The following DCAF6 variants were observed in gnomAD, a reference collection of about 807,000 sequenced individuals.
DCAF6 encodes DDB1- and CUL4-associated factor 6.
A neutral mutation model predicts 125.1 loss-of-function variants in DCAF6; 54 were observed. That is an observed-to-expected ratio of 0.43 (90% CI 0.35 to 0.54). The LOEUF (loss-of-function observed/expected upper bound fraction) is 0.54, where lower values mean the gene tolerates loss of function less well. Among genes scored for constraint, DCAF6 ranks in the 20% least tolerant of loss-of-function variants. The pLI is 0.01. For synonymous variants in DCAF6, 371 were observed against 390.4 expected (o/e 0.95, Z 0.58); for missense variants, 934 against 1,161.7 (o/e 0.80, Z 2.85).
At chr1:167,868,468 TG>T in the DCAF6 span, among the ~76,000 whole-genome samples, 1 of 152,188 alleles carries the variant, frequency 6.6e-6, no homozygotes, top group South Asian at 2.1e-4. Context: ...AACAGTTACA[TG>T]GTGGAGTTCA....
chr1:167,957,250 T>C (rs1214571231), intron 2 of DCAF6, among the ~76,000 whole-genome samples: 1 of 152,116 alleles, frequency 6.6e-6, no homozygotes, highest in Non-Finnish European at 1.5e-5. Context: ...AGAGTACCAA[T>C]TATCAGTCAC....
intron 2 of DCAF6, among the ~76,000 whole-genome samples, chr1:167,956,079 C>T (rs1218919642): frequency 6.6e-6 from 1 of 152,102 alleles, no homozygotes; most frequent in Non-Finnish European, 1.5e-5. Flanking sequence ...AACATTGTCT[C>T]TTTCTATTTA....
At chr1:168,040,887 TAA>T (rs59960933) in intron 13 of DCAF6, among the ~76,000 whole-genome samples, 4,108 of 115,106 alleles carry the variant, frequency 0.036, 202 homozygotes, top group African/African-American at 0.11. Flanking sequence ...ACATTCATTG[TAA>T]AAAAAAAAAA....
chr1:167,977,993 T>C (rs1336517776), intron 4 of DCAF6, among the ~76,000 whole-genome samples: 1 of 152,174 alleles, frequency 6.6e-6, no homozygotes, highest in Admixed American at 6.5e-5. Flanking sequence ...GAAATATGGC[T>C]TTTTGTGTCT....
chr1:167,972,235 T>G (rs1268129505), intron 3 of DCAF6, among the ~76,000 whole-genome samples: 1 of 152,238 alleles, frequency 6.6e-6, no homozygotes, highest in African/African-American at 2.4e-5. Context: ...TGCAGTATCA[T>G]ACATACCCAT....
chr1:167,941,512 G>A (rs1220278308), intron 1 of DCAF6, among the ~76,000 whole-genome samples: 3 of 152,108 alleles, frequency 2.0e-5, no homozygotes, highest in Admixed American at 6.5e-5. Context: ...TATACACAAC[G>A]AAAATAAAGG....
chr1:167,891,441 G>A, the DCAF6 span, among the ~76,000 whole-genome samples: 2 of 151,692 alleles, frequency 1.3e-5, no homozygotes, highest in African/African-American at 4.8e-5. Flanking sequence ...AAGATCACGA[G>A]GTCAGGAGAT....
At chr1:167,951,908 G>A (rs534755920) in intron 2 of DCAF6, 47 bp downstream of exon 2, 3 of 1,272,880 alleles carry the variant, frequency 2.4e-6, no homozygotes, top group Admixed American at 3.7e-5. Flanking sequence ...GATACTAAGT[G>A]TTTAAGTGTT....
the DCAF6 span, among the ~76,000 whole-genome samples, chr1:167,925,522 TTTTTTTTTTTGG>T: frequency 4.8e-4 from 68 of 142,298 alleles, no homozygotes; most frequent in Non-Finnish European, 8.7e-4. Flanking sequence ...CAAACAACGT[TTTTTTTTTTTGG>T]TTTTTTTTTT....
At chr1:167,964,655 G>A (rs1276026452) in intron 2 of DCAF6, among the ~76,000 whole-genome samples, 4 of 151,988 alleles carry the variant, frequency 2.6e-5, no homozygotes, top group Non-Finnish European at 5.9e-5. Flanking sequence ...CTTCTCCTCT[G>A]GTATTCACAT....
At chr1:167,999,797 T>G (rs1455615133) in intron 7 of DCAF6, among the ~76,000 whole-genome samples, 1 of 152,182 alleles carries the variant, frequency 6.6e-6, no homozygotes, top group Non-Finnish European at 1.5e-5. Flanking sequence ...TTGATCTTCC[T>G]TCTAGACCAC....
intron 2 of DCAF6, among the ~76,000 whole-genome samples, chr1:167,953,572 G>A (rs1056737150): frequency 1.3e-5 from 2 of 152,132 alleles, no homozygotes; most frequent in Admixed American, 6.5e-5. Context: ...TCATTGATGA[G>A]ACAAAGAGTA....
Position 168,072,294 on chromosome 1 carries a change from T to TAAAAAAAAAA in DCAF6, c.2792-3055_2792-3046dup, listed in dbSNP as rs59674650. Among the ~76,000 whole-genome samples, 169 of 41,020 alleles carry TAAAAAAAAAA rather than the reference T, an allele frequency of 4.1e-3. 1 individual carries two copies. Among genetic ancestry groups the TAAAAAAAAAA allele is most frequent in the Non-Finnish European group, 5.1e-3 (113 of 22,252 alleles). The allele number at this position is 41,020 out of a possible 152,430, so 26.9% of individuals were successfully genotyped here. A position where few individuals can be genotyped will look rare whatever the true frequency, so the allele number is the denominator to read the frequency against. ...CCTGGTGACAGAGGGAGAATCAGTC[T>TAAAAAAAAAA]AAAAAAAAAAAAAAAAAAAAAAAAA... On this transcript the variant is annotated intron_variant, in intron 21 of 21. Transcript: ENST00000367840.
chr1:167,867,966 A>G, the DCAF6 span, among the ~76,000 whole-genome samples: 1 of 152,202 alleles, frequency 6.6e-6, no homozygotes, highest in Non-Finnish European at 1.5e-5. Context: ...ACCCCTTGAA[A>G]TTAGTAATTA....
intron 21 of DCAF6, 103 bp from the exon 22 acceptor site, chr1:168,075,268 G>A: frequency 9.5e-7 from 1 of 1,057,208 alleles, no homozygotes; most frequent in Middle Eastern, 2.9e-4. Flanking sequence ...ACATAGTGGT[G>A]AACTGATTTT....
At chr1:167,870,257 C>A in the DCAF6 span, 1 of 1,614,024 alleles carries the variant, frequency 6.2e-7, no homozygotes. Flanking sequence ...AGACACTCAC[C>A]TGTGATTCTT....
intron 2 of DCAF6, among the ~76,000 whole-genome samples, chr1:167,966,234 G>A (rs1000847411): frequency 1.3e-5 from 2 of 152,132 alleles, no homozygotes; most frequent in African/African-American, 4.8e-5. Context: ...TCTTACGTGT[G>A]GAACTGGAAA....
At chr1:168,064,909 A>G (rs574884044) in intron 18 of DCAF6, among the ~76,000 whole-genome samples, 23 of 152,216 alleles carry the variant, frequency 1.5e-4, no homozygotes, top group Non-Finnish European at 3.2e-4. Context: ...ATTCTGCTTC[A>G]TAAAATTAAG....
chr1:168,037,569 CT>C (rs936486989), intron 12 of DCAF6, among the ~76,000 whole-genome samples: 4 of 150,842 alleles, frequency 2.7e-5, no homozygotes, highest in Admixed American at 6.6e-5. Context: ...TCCATGTACT[CT>C]TTTTTTTTGG....
Sources: allele counts gnomAD v4.1 joint callset (sites outside exome capture counted in the v4.1 genomes callset), GRCh38; gene constraint gnomAD v4.1.1; transcripts MANE v1.5; gene names NCBI Gene and HGNC (gene_info 2026-07-23, HGNC 2026-07-21).